Variants in ASCC3 observed in about 807,000 individuals in gnomAD.
The protein encoded by ASCC3 is ASC-1 complex subunit P200.
A neutral mutation model predicts 256.3 loss-of-function variants in ASCC3; 158 were observed. That is an observed-to-expected ratio of 0.62 (90% CI 0.54 to 0.70). ASCC3 has a LOEUF of 0.70. Among genes scored for constraint, ASCC3 ranks in the 30% least tolerant of loss-of-function variants. ASCC3 has a pLI of 0.00. For missense variants in ASCC3, 2,259 were observed against 2,626.0 expected (o/e 0.86, Z 3.05); for synonymous variants, 948 against 883.4 (o/e 1.07, Z -1.30).
At chr6:100,688,651 A>T (rs1777697362) in intron 13 of ASCC3, among the ~76,000 whole-genome samples, 1 of 152,044 alleles carries the variant, frequency 6.6e-6, no homozygotes, top group South Asian at 2.1e-4. Context: ...CCTATCTTTT[A>T]TTTTTGACTA....
At chr6:100,759,098 T>C (rs1252191662) in intron 10 of ASCC3, among the ~76,000 whole-genome samples, 1 of 152,212 alleles carries the variant, frequency 6.6e-6, no homozygotes, top group East Asian at 1.9e-4. Flanking sequence ...TGTTTTCTTC[T>C]TGTAAATATG....
At chr6:100,530,694 C>T (rs12660725) in intron 37 of ASCC3, 373,852 of 907,312 alleles carry the variant, frequency 0.41, 83,962 homozygotes, top group South Asian at 0.6. Flanking sequence ...ACTAAAGGCC[C>T]AGATACCCAA....
At chr6:100,747,052 T>C (rs529415933) in intron 10 of ASCC3, among the ~76,000 whole-genome samples, 16 of 152,028 alleles carry the variant, frequency 1.1e-4, no homozygotes, top group Non-Finnish European at 1.6e-4. Context: ...TACAGCTCAA[T>C]TGCAAGACAA....
At chr6:100,799,721 T>C (rs775307579) in intron 6 of ASCC3, 149 bp from the exon 7 acceptor site, 52 of 756,550 alleles carry the variant, frequency 6.9e-5, no homozygotes, top group Non-Finnish European at 1.1e-4. Context: ...TTAGGAATCC[T>C]GAAATTTTCT....
intron 11 of ASCC3, among the ~76,000 whole-genome samples, chr6:100,722,615 TGTAA>T (rs1238540617): frequency 2.0e-5 from 3 of 151,912 alleles, no homozygotes; most frequent in Non-Finnish European, 3.0e-5. Flanking sequence ...CTGGTACATG[TGTAA>T]GTGTTTAATA....
intron 36 of ASCC3, among the ~76,000 whole-genome samples, chr6:100,558,150 A>C (rs1463700884): frequency 6.6e-6 from 1 of 151,950 alleles, no homozygotes; most frequent in Non-Finnish European, 1.5e-5. Context: ...ACTACATAAG[A>C]CTAATGATAC....
In ASCC3 at chr6:100,662,540, G is replaced by A; in HGVS notation, c.2287-4C>T. The A allele has an allele frequency of 6.2e-7, 1 of 1,612,378 alleles. No homozygotes were observed. On this transcript the variant is annotated splice_region_variant and splice_polypyrimidine_tract_variant and intron_variant, in intron 14 of 41. Coordinates refer to ENST00000369162, the MANE Select transcript of ASCC3 (RefSeq NM_006828.4). ...GCTTATTTCTCGACCTTTGTACCTA[G>A]ATACCAAGAAAGCGTAAGAGTATTA...
chr6:100,581,356 G>GT (rs1225932721), intron 36 of ASCC3, among the ~76,000 whole-genome samples: 2 of 152,008 alleles, frequency 1.3e-5, no homozygotes, highest in South Asian at 2.1e-4. Context: ...TTTTTCATGT[G>GT]TTTTTTTGGC....
At position 100,655,917 on chromosome 6, in the gene ASCC3, C is replaced by A. The variant is rs1161440814; in HGVS notation, c.2704-99G>T. 5 of 1,361,970 alleles carry A rather than the reference C, an allele frequency of 3.7e-6. No individual in the cohort carries two copies. The East Asian group carries it at 1.2e-4, about 31-fold the overall frequency. 84.4% of individuals were successfully genotyped at this position (1,361,970 alleles called of 1,614,324 possible). On this transcript the variant is annotated intron_variant, in intron 16 of 41. Transcript: ENST00000369162. ...CAGAGGTGAAGTTTTAAAAATACATCATTATGCAGTATTTTTAAAAAGGTA... is the reference window on the plus strand; with the variant it reads ...CAGAGGTGAAGTTTTAAAAATACATAATTATGCAGTATTTTTAAAAAGGTA...
chr6:100,830,346 A>G (rs1187870056), intron 4 of ASCC3, among the ~76,000 whole-genome samples: 1 of 152,174 alleles, frequency 6.6e-6, no homozygotes, highest in Admixed American at 6.5e-5. Context: ...CATTTGTTGT[A>G]TATCAAGAAG....
intron 12 of ASCC3, among the ~76,000 whole-genome samples, chr6:100,717,559 T>C (rs1779139427): frequency 6.6e-6 from 1 of 151,932 alleles, no homozygotes; most frequent in African/African-American, 2.4e-5. Flanking sequence ...TTTTAAAGCA[T>C]AGAATTTTAG....
chr6:100,796,566 G>C (rs772051821), intron 8 of ASCC3, among the ~76,000 whole-genome samples: 3 of 152,000 alleles, frequency 2.0e-5, no homozygotes, highest in Non-Finnish European at 4.4e-5. Flanking sequence ...TGGTGAACCT[G>C]AAAAAAGAGG....
chr6:100,537,402 G>A (rs938106897), intron 37 of ASCC3, among the ~76,000 whole-genome samples: 34 of 152,096 alleles, frequency 2.2e-4, no homozygotes, highest in Admixed American at 5.2e-4. Flanking sequence ...AGACTAAGGC[G>A]ACATGACAAC....
At position 100,813,876 on chromosome 6, in the gene ASCC3, C is replaced by T. The variant is rs149122578; in HGVS notation, c.802-7996G>A. Among the ~76,000 whole-genome samples, 1,010 of 152,024 alleles carry T rather than the reference C, an allele frequency of 6.6e-3. 6 individuals are homozygous for T. The highest frequency in any genetic ancestry group is 0.023 in the African/African-American group (973 of 41,474). On this transcript the variant is annotated intron_variant, in intron 4 of 41. Transcript: ENST00000369162. ...CTATGGGGTTTTCTGGATATAAAAT[C>T]GTGTTGTCTGCAAACAGAGACAGAC... is the stretch of plus-strand genomic sequence containing the variant.
Position 100,575,651 on chromosome 6 carries a change from T to A in ASCC3, c.5550+13983A>T, listed in dbSNP as rs1005154912. 7.2e-5 allele frequency among the ~76,000 whole-genome samples: 11 copies of A among 152,192 alleles called. No homozygotes were observed. The South Asian group carries it at 2.3e-3, about 32-fold the overall frequency. The stretch of plus-strand genomic sequence containing the variant: ...AATAAGAATTTCACTACTTTTAATA[T>A]TCGATATATAAATAAAATCTCATTT... On this transcript the variant is annotated intron_variant, in intron 36 of 41. Coordinates refer to ENST00000369162, the MANE Select transcript of ASCC3 (RefSeq NM_006828.4).
chr6:100,720,297 A>G (rs1459259923), intron 11 of ASCC3, among the ~76,000 whole-genome samples: 1 of 151,918 alleles, frequency 6.6e-6, no homozygotes, highest in Non-Finnish European at 1.5e-5. Context: ...ATAAGCGTTA[A>G]AACTATGTAA....
chr6:100,517,469 T>C (rs927616464), intron 38 of ASCC3, among the ~76,000 whole-genome samples: 11 of 152,114 alleles, frequency 7.2e-5, no homozygotes, highest in Admixed American at 2.0e-4. Flanking sequence ...GCAAACATAT[T>C]TCAGTCATGT....
chr6:100,689,798 C>G (rs1013978626), intron 13 of ASCC3, among the ~76,000 whole-genome samples: 1 of 151,992 alleles, frequency 6.6e-6, no homozygotes, highest in Non-Finnish European at 1.5e-5. Context: ...GCAGACCTCC[C>G]ATTGCTATTT....
Position 100,540,207 on chromosome 6 carries a change from T to C in ASCC3, c.5731A>G (p.Thr1911Ala). The change falls in exon 37 of 42, where the codon ACT (threonine) becomes GCT (alanine). Residue 1911 changes from threonine (T) to alanine (A), a missense_variant. Transcript: ENST00000369162. The part of the protein sequence containing the change: ...RAMLPCPDYD[T>A]DTKTVLDQAL... ...TGGTCCAAGACTGTTTTGGTATCAG[T>C]GTCATAATCTGGGCAGGGTAGCATG... 1 of 1,614,090 alleles carries C rather than the reference T, an allele frequency of 6.2e-7. No individual in the cohort carries two copies.
Sources: gnomAD v4.1 joint callset for allele counts (sites outside exome capture counted in the v4.1 genomes callset) on GRCh38, gnomAD v4.1.1 for gene constraint, MANE v1.5 for transcripts, NCBI Gene and HGNC (gene_info 2026-07-23, HGNC 2026-07-21) for gene names.